Variants in CNGB3 observed in about 807,000 individuals in gnomAD.
CNGB3 encodes the protein cyclic nucleotide gated channel subunit beta 3, also known as cyclic nucleotide-gated channel beta-3.
CNGB3 carries 86 observed loss-of-function variants against 92.8 expected under a neutral mutation model. The ratio of observed to expected loss-of-function variants is 0.93; its 90% CI spans 0.78 to 1.11. The LOEUF is 1.11. CNGB3 is among the 50% of genes least tolerant of loss of function. The probability of loss-of-function intolerance (pLI) is 0.00; values close to 1 mark genes in which losing one functional copy is unlikely to be tolerated. For missense variants in CNGB3, 1,026 were observed against 956.8 expected (o/e 1.07, Z -0.95); for synonymous variants, 333 against 332.7 (o/e 1.00, Z -0.01).
intron 14 of CNGB3, among the ~76,000 whole-genome samples, chr8:86,609,188 G>A (rs1822472385): frequency 6.6e-6 from 1 of 152,194 alleles, no homozygotes; most frequent in Non-Finnish European, 1.5e-5. Context: ...AATTTGCACT[G>A]CTTAGGGGCA....
At chr8:86,583,091 G>C (rs947087852) in intron 15 of CNGB3, among the ~76,000 whole-genome samples, 1 of 120,034 alleles carries the variant, frequency 8.3e-6, no homozygotes, top group Admixed American at 8.5e-5. Flanking sequence ...TAGTAGAGAG[G>C]GGTTTCACCA....
intron 2 of CNGB3, among the ~76,000 whole-genome samples, chr8:86,734,816 T>A (rs1315664858): frequency 2.0e-5 from 3 of 152,166 alleles, no homozygotes; most frequent in Admixed American, 2.0e-4. Flanking sequence ...TCATTTATGC[T>A]ATCTGGCTTG....
At chr8:86,622,870 AT>A (rs906206568) in intron 13 of CNGB3, among the ~76,000 whole-genome samples, 14 of 152,140 alleles carry the variant, frequency 9.2e-5, no homozygotes, top group Admixed American at 7.9e-4. Flanking sequence ...TCATCTGCCA[AT>A]TTGAAAACCA....
intron 13 of CNGB3, among the ~76,000 whole-genome samples, chr8:86,612,771 A>G (rs1822545997): frequency 1.3e-5 from 2 of 152,362 alleles, no homozygotes; most frequent in South Asian, 4.1e-4. Context: ...TTCAGAAAGT[A>G]TAGCTTTTGC....
intron 15 of CNGB3, among the ~76,000 whole-genome samples, chr8:86,592,229 T>C (rs911199252): frequency 7.2e-4 from 110 of 152,070 alleles, no homozygotes; most frequent in African/African-American, 2.6e-3. Flanking sequence ...CACTGACCTG[T>C]GCCCACTGTC....
chr8:86,597,464 T>G (rs1021056472), intron 15 of CNGB3, among the ~76,000 whole-genome samples: 2 of 152,128 alleles, frequency 1.3e-5, no homozygotes, highest in African/African-American at 2.4e-5. Flanking sequence ...CAAAGATAAG[T>G]GCTCCAAAAG....
chr8:86,690,643 T>A (rs1165573322), intron 3 of CNGB3, among the ~76,000 whole-genome samples: 1 of 152,186 alleles, frequency 6.6e-6, no homozygotes, highest in East Asian at 1.9e-4. Context: ...CATGCCTATG[T>A]CCTGAATGAT....
chr8:86,672,208 C>T (rs1013543781), intron 3 of CNGB3, among the ~76,000 whole-genome samples: 1 of 152,070 alleles, frequency 6.6e-6, no homozygotes, highest in African/African-American at 2.4e-5. Context: ...AAGCAATTCT[C>T]ATGCCGCAGC....
chr8:86,578,036 A>G (rs1821691382), intron 17 of CNGB3, among the ~76,000 whole-genome samples: 1 of 152,018 alleles, frequency 6.6e-6, no homozygotes, highest in Admixed American at 6.6e-5. Context: ...CAGCCTCCCA[A>G]GTAGCTGGGA....
In CNGB3 at chr8:86,667,798, G is replaced by A. The variant is rs567981692; in HGVS notation, c.643+221C>T. On this transcript the variant is annotated intron_variant, in intron 5 of 17. Transcript: ENST00000320005. The stretch of plus-strand genomic sequence containing the variant: ...TTCAAAGGTAATTAGGGGCAGGAGA[G>A]GATCTGGACTGCCTTTTAAATATAG... Among the ~76,000 whole-genome samples the A allele has an allele frequency of 2.0e-5, 3 of 152,318 alleles. No homozygotes were observed. In the South Asian group the frequency reaches 6.2e-4, roughly 32 times the overall value.
At chr8:86,679,010 C>T (rs923058892) in intron 3 of CNGB3, among the ~76,000 whole-genome samples, 1 of 151,954 alleles carries the variant, frequency 6.6e-6, no homozygotes, top group Admixed American at 6.6e-5. Context: ...AGTAGGGTGA[C>T]CCTGCTTTTA....
intron 3 of CNGB3, among the ~76,000 whole-genome samples, chr8:86,718,795 A>G (rs1824911419): frequency 7.2e-6 from 1 of 138,546 alleles, no homozygotes; most frequent in Non-Finnish European, 1.6e-5. Context: ...AACCAAACCT[A>G]ACACCATATC....
chr8:86,691,404 C>T (rs1824311035), intron 3 of CNGB3, among the ~76,000 whole-genome samples: 1 of 152,076 alleles, frequency 6.6e-6, no homozygotes, highest in Non-Finnish European at 1.5e-5. Context: ...ACTTCCAGTA[C>T]TATGTTGAAT....
At chr8:86,591,663 G>T (rs1334222911) in intron 15 of CNGB3, among the ~76,000 whole-genome samples, 9 of 152,352 alleles carry the variant, frequency 5.9e-5, no homozygotes, top group African/African-American at 2.2e-4. Context: ...GGGGTCAGGG[G>T]TGAGGGACCC....
chr8:86,659,510 A>C lies in CNGB3; in HGVS notation c.853-5448T>G, dbSNP rs147274118. The C allele has an allele frequency of 2.6e-5, 16 of 608,570 alleles. No homozygotes were observed. The East Asian group carries it at 4.7e-4, about 18-fold the overall frequency. The allele number at this position is 608,570 out of a possible 1,614,324, so 37.7% of individuals were successfully genotyped here. Reference sequence around the variant, plus strand: ...GAGTTCTGTGGCTTCAGATCCTCATATAACTCCAGCCTGAGGGCATCTCTC... The same window carrying C: ...GAGTTCTGTGGCTTCAGATCCTCATCTAACTCCAGCCTGAGGGCATCTCTC... On this transcript the variant is annotated intron_variant, in intron 6 of 17. Transcript: ENST00000320005.
Position 86,575,733 on chromosome 8 carries a change from A to G in CNGB3, c.*71T>C. 1.4e-6 allele frequency: 2 copies of G among 1,413,102 alleles called. No homozygotes were observed. The highest frequency in any genetic ancestry group is 9.9e-7 in the Non-Finnish European group (1 of 1,008,146). 87.5% of individuals were successfully genotyped at this position (1,413,102 alleles called of 1,614,324 possible). A position where few individuals can be genotyped will look rare whatever the true frequency, so the allele number is the denominator to read the frequency against. On this transcript the variant is annotated 3_prime_UTR_variant, in exon 18 of 18. Transcript: ENST00000320005. ...TCCCAGCATGTCGTTTCCCCTCGTT[A>G]ATTTAAGTTACAATCCTAGGTACAA...
intron 3 of CNGB3, among the ~76,000 whole-genome samples, chr8:86,691,027 G>A (rs1209437417): frequency 6.6e-6 from 1 of 152,194 alleles, no homozygotes; most frequent in African/African-American, 2.4e-5. Flanking sequence ...GCTTAGGATT[G>A]ACTTGGCAAT....
chr8:86,683,625 C>A (rs1346249039), intron 3 of CNGB3, among the ~76,000 whole-genome samples: 4 of 152,058 alleles, frequency 2.6e-5, no homozygotes, highest in African/African-American at 9.7e-5. Flanking sequence ...TAGGTCACTG[C>A]CCTAAGTCTT....
At chr8:86,620,504 A>G (rs1822703273) in intron 13 of CNGB3, among the ~76,000 whole-genome samples, 1 of 152,298 alleles carries the variant, frequency 6.6e-6, no homozygotes, top group Admixed American at 6.5e-5. Flanking sequence ...AAATTGAATT[A>G]GGACCCATCC....
Sources: gnomAD v4.1 joint callset for allele counts (sites outside exome capture counted in the v4.1 genomes callset) on GRCh38, gnomAD v4.1.1 for gene constraint, MANE v1.5 for transcripts, NCBI Gene and HGNC (gene_info 2026-07-23, HGNC 2026-07-21) for gene names.